The following WASF1 variants were observed in gnomAD, a reference collection of about 807,000 sequenced individuals.
WASF1 encodes actin-binding protein WASF1.
WASF1 carries 7 observed loss-of-function variants against 50.5 expected under a neutral mutation model. The observed-to-expected ratio is 0.14, with a 90% CI of 0.08 to 0.26. WASF1 has a LOEUF of 0.26. WASF1 is among the 10% of genes least tolerant of loss of function. The pLI is 1.00. For synonymous variants in WASF1, 205 were observed against 244.0 expected (o/e 0.84, Z 1.49); for missense variants, 470 against 694.7 (o/e 0.68, Z 3.64).
intron 3 of WASF1, among the ~76,000 whole-genome samples, chr6:110,159,399 C>T (rs886853007): frequency 2.6e-5 from 4 of 151,862 alleles, no homozygotes; most frequent in African/African-American, 9.7e-5. Flanking sequence ...TAGGGGATAA[C>T]CGTGTGACAC....
chr6:110,147,342 T>C (rs1775617056), intron 3 of WASF1, among the ~76,000 whole-genome samples: 1 of 135,546 alleles, frequency 7.4e-6, no homozygotes, highest in Non-Finnish European at 1.5e-5. Flanking sequence ...CGAGACTCCG[T>C]CTCAAAAAAA....
At chr6:110,140,725 T>C (rs934025484) in intron 3 of WASF1, among the ~76,000 whole-genome samples, 3 of 152,158 alleles carry the variant, frequency 2.0e-5, no homozygotes, top group African/African-American at 7.2e-5. Flanking sequence ...GAAAAACACA[T>C]TGAGTGTGTT....
At chr6:110,161,583 T>G (rs994853358) in intron 2 of WASF1, among the ~76,000 whole-genome samples, 5 of 151,746 alleles carry the variant, frequency 3.3e-5, no homozygotes, top group African/African-American at 1.2e-4. Context: ...TTTATCGCAC[T>G]GTATTATGTT....
intron 9 of WASF1, among the ~76,000 whole-genome samples, 155 bp downstream of exon 9, chr6:110,103,223 A>G (rs185246169): frequency 6.6e-6 from 1 of 152,320 alleles, no homozygotes; most frequent in East Asian, 1.9e-4. Flanking sequence ...TTGTTTATGT[A>G]TATTCTATGG....
intron 3 of WASF1, among the ~76,000 whole-genome samples, chr6:110,144,190 G>C (rs1221526130): frequency 6.6e-6 from 1 of 152,162 alleles, no homozygotes; most frequent in Non-Finnish European, 1.5e-5. Flanking sequence ...CTGTGGTTTT[G>C]ATTTGCATTT....
At chr6:110,163,185 A>G (rs1776330994) in intron 2 of WASF1, among the ~76,000 whole-genome samples, 1 of 151,744 alleles carries the variant, frequency 6.6e-6, no homozygotes, top group South Asian at 2.1e-4. Flanking sequence ...TACAAAATCT[A>G]TATGAGAAAA....
chr6:110,134,176 C>T (rs1480569932), intron 3 of WASF1, among the ~76,000 whole-genome samples: 1 of 152,024 alleles, frequency 6.6e-6, no homozygotes, highest in African/African-American at 2.4e-5. Flanking sequence ...CCTCAGCCTC[C>T]CGAAGTGCTG....
chr6:110,114,792 C>T (rs1773721542), intron 4 of WASF1, among the ~76,000 whole-genome samples: 1 of 150,046 alleles, frequency 6.7e-6, no homozygotes, highest in Non-Finnish European at 1.5e-5. Flanking sequence ...TCCATGTATG[C>T]TGCTTGAAAA....
Position 110,100,468 on chromosome 6 carries a change from G to T in WASF1, c.*54C>A, listed in dbSNP as rs191276899. 23 of 1,489,468 alleles carry T rather than the reference G, an allele frequency of 1.5e-5. No homozygotes were observed. In the East Asian group the frequency reaches 5.6e-4, roughly 36 times the overall value. 92.3% of individuals were successfully genotyped at this position (1,489,468 alleles called of 1,614,324 possible). On this transcript the variant is annotated 3_prime_UTR_variant, in exon 11 of 11. Transcript: ENST00000392589. ...ATGACCAAACATTTTCAAGGAACAA[G>T]CACCACAAAGGACATTTGCATTCAG...
intron 2 of WASF1, among the ~76,000 whole-genome samples, chr6:110,168,628 T>C (rs903073814): frequency 3.9e-5 from 6 of 152,056 alleles, no homozygotes; most frequent in Admixed American, 2.0e-4. Flanking sequence ...TAGAAGTATA[T>C]AGACAAGAGC....
At chr6:110,163,860 TAGAAAA>T (rs772753014) in intron 2 of WASF1, among the ~76,000 whole-genome samples, 22 of 151,328 alleles carry the variant, frequency 1.5e-4, no homozygotes, top group Non-Finnish European at 3.1e-4. Flanking sequence ...TTTGGAGAAA[TAGAAAA>T]ATAGTTCAAT....
Position 110,160,671 on chromosome 6 carries a change from A to T in WASF1, c.-65T>A, listed in dbSNP as rs1776227087. On this transcript the variant is annotated 5_prime_UTR_variant, in exon 3 of 11. Transcript: ENST00000392589. ...TAACGATTTTGCAGCCATAGCTTCC[A>T]CTGCAACTTTACTCCAACAGCTATC... 1 of 151,766 alleles carries T rather than the reference A, an allele frequency of 6.6e-6. No homozygotes were observed. The highest frequency in any genetic ancestry group is 1.5e-5 in the Non-Finnish European group (1 of 67,774). The allele number at this position is 151,766 out of a possible 1,614,324, so 9.4% of individuals were successfully genotyped here.
chr6:110,126,421 T>C (rs919656136), intron 4 of WASF1, among the ~76,000 whole-genome samples: 4 of 152,214 alleles, frequency 2.6e-5, no homozygotes, highest in African/African-American at 7.2e-5. Flanking sequence ...TTTAGTACTC[T>C]CACAGAGAAT....
intron 3 of WASF1, among the ~76,000 whole-genome samples, chr6:110,151,453 T>G (rs1055185395): frequency 6.6e-6 from 1 of 152,200 alleles, no homozygotes; most frequent in Non-Finnish European, 1.5e-5. Flanking sequence ...AAGGTGGAGA[T>G]AAAAGCATCC....
intron 3 of WASF1, among the ~76,000 whole-genome samples, chr6:110,149,278 G>C (rs1346392607): frequency 6.6e-6 from 1 of 151,920 alleles, no homozygotes. Flanking sequence ...CAGCCTGAAG[G>C]ATAAATCTTA....
At chr6:110,115,152 G>A (rs1294044646) in intron 4 of WASF1, among the ~76,000 whole-genome samples, 2 of 150,234 alleles carry the variant, frequency 1.3e-5, no homozygotes, top group Non-Finnish European at 3.0e-5. Flanking sequence ...AAAAAATTGA[G>A]TAGAAACAAT....
chr6:110,168,929 G>A (rs1776582757), intron 2 of WASF1, among the ~76,000 whole-genome samples: 1 of 151,904 alleles, frequency 6.6e-6, no homozygotes, highest in South Asian at 2.1e-4. Context: ...CTTTTGCTTT[G>A]CTTCCCTTCC....
chr6:110,126,824 C>T (rs1774438514), intron 4 of WASF1, among the ~76,000 whole-genome samples: 1 of 152,196 alleles, frequency 6.6e-6, no homozygotes, highest in African/African-American at 2.4e-5. Flanking sequence ...GCAATGAGAA[C>T]ATATTGCCTG....
At chr6:110,170,718 A>G (rs1016065026) in intron 2 of WASF1, among the ~76,000 whole-genome samples, 1 of 152,166 alleles carries the variant, frequency 6.6e-6, no homozygotes, top group African/African-American at 2.4e-5. Context: ...ACCCACTTTA[A>G]ATGTAGAAAT....
Sources: allele counts gnomAD v4.1 joint callset (sites outside exome capture counted in the v4.1 genomes callset), GRCh38; gene constraint gnomAD v4.1.1; transcripts MANE v1.5; gene names NCBI Gene and HGNC (gene_info 2026-07-23, HGNC 2026-07-21).